RGMA: variants seen among roughly 807,000 people sequenced by gnomAD.
The protein encoded by RGMA is repulsive guidance molecule BMP co-receptor a.
In RGMA, 10 loss-of-function variants were observed where a neutral mutation model predicts 23.2. That is an observed-to-expected ratio of 0.43 (90% CI 0.27 to 0.73). RGMA has a LOEUF of 0.73. RGMA is among the 30% of genes least tolerant of loss of function. RGMA has a pLI of 0.20. For missense variants in RGMA, 547 were observed against 630.5 expected, an observed-to-expected ratio of 0.87 and a Z score of 1.42; for synonymous variants, 308 against 279.3, an observed-to-expected ratio of 1.10 and a Z score of -1.03.
In RGMA at chr15:93,073,869, C is replaced by T. The variant is rs564757584; in HGVS notation, c.15-838G>A. On this transcript the variant is annotated intron_variant, in intron 1 of 3. Transcript: ENST00000329082. ...GGGCCTGCGGGCCTAACCTTGCCAC[C>T]TTGGCACAGCTGCCACTCCAGAGAG... is the stretch of plus-strand genomic sequence containing the variant. 6 of 1,473,540 alleles carry T rather than the reference C, an allele frequency of 4.1e-6. No homozygotes were observed. The African/African-American group carries it at 7.0e-5, about 17-fold the overall frequency. 91.3% of individuals were successfully genotyped at this position (1,473,540 alleles called of 1,614,324 possible).
intron 3 of RGMA, among the ~76,000 whole-genome samples, chr15:93,046,124 A>C (rs2091637): frequency 0.15 from 22,729 of 152,118 alleles, 1,919 homozygotes; most frequent in Middle Eastern, 0.22. Context: ...GGCAAAAGGG[A>C]CCCTGCAGAT....
intron 2 of RGMA, among the ~76,000 whole-genome samples, chr15:93,069,887 C>A (rs964122106): frequency 2.0e-5 from 3 of 152,258 alleles, no homozygotes; most frequent in African/African-American, 7.2e-5. Flanking sequence ...TCTTGGAACT[C>A]TTTTCGAAAA....
At chr15:93,066,391 T>C (rs1596098112) in intron 2 of RGMA, 3 of 645,044 alleles carry the variant, frequency 4.7e-6, no homozygotes, top group Admixed American at 3.8e-5. Flanking sequence ...TGACTCCAGG[T>C]GGGGGAAACG....
In RGMA at chr15:93,054,229, C is replaced by CAAA. The variant is rs34699802; in HGVS notation, c.131-1725_131-1723dup. Among the ~76,000 whole-genome samples the CAAA allele has an allele frequency of 5.4e-4, 60 of 110,902 alleles. 1 individual carries two copies. The highest frequency in any genetic ancestry group is 1.7e-3 in the African/African-American group (47 of 28,160). 72.8% of individuals were successfully genotyped at this position (110,902 alleles called of 152,430 possible). On this transcript the variant is annotated intron_variant, in intron 2 of 3. Transcript: ENST00000329082. ...TGGGAGACAGAGCAAGACTCCATCT[C>CAAA]AAAAAAAAAAAAAAAAAAATTGATG...
At chr15:93,088,856 A>C in intron 1 of RGMA, 63 bp downstream of exon 1, 1 of 1,419,982 alleles carries the variant, frequency 7.0e-7, no homozygotes, top group Non-Finnish European at 9.4e-7. Flanking sequence ...TGGCCCCGGC[A>C]TGTGTCGGCG....
chr15:93,074,087 G>A (rs150066813), intron 1 of RGMA: 28 of 1,145,196 alleles, frequency 2.4e-5, no homozygotes, highest in African/African-American at 3.2e-5. Context: ...TGATATTTAA[G>A]GGACTGGTAA....
chr15:93,059,582 C>T lies in RGMA; in HGVS notation c.131-7075G>A, dbSNP rs747918713. 3.9e-5 allele frequency among the ~76,000 whole-genome samples: 6 copies of T among 152,214 alleles called. No individual in the cohort carries two copies. The East Asian group carries it at 5.8e-4, about 15-fold the overall frequency. ...ATGTGGAAAGGAAGCTCTCTGGGAA[C>T]GATGGGTCCCAGAAATGTGTGTGTG... On this transcript the variant is annotated intron_variant, in intron 2 of 3. Transcript: ENST00000329082.
rs1471553159 is a variant in RGMA, at chr15:93,038,569, G to GTTGTTTTTTTTTTTTTTTTT, written c.*6428_*6429insAAAAAAAAAAAAAAAAACAA. On this transcript the variant is annotated 3_prime_UTR_variant, in exon 4 of 4. Coordinates refer to ENST00000329082, the MANE Select transcript of RGMA (RefSeq NM_020211.3). ...GCCTTAATGAACGAAACTGTTAGTT[G>GTTGTTTTTTTTTTTTTTTTT]TTTTTTTTTTTTTTTTGAGACGGTG... 1 of 100,224 alleles carries GTTGTTTTTTTTTTTTTTTTT rather than the reference G, an allele frequency of 1.0e-5. No individual in the cohort carries two copies. The highest frequency in any genetic ancestry group is 2.3e-5 in the Non-Finnish European group (1 of 42,826). 6.2% of individuals were successfully genotyped at this position (100,224 alleles called of 1,614,324 possible).
chr15:93,062,357 A>G (rs1894994061), intron 2 of RGMA, among the ~76,000 whole-genome samples: 1 of 152,238 alleles, frequency 6.6e-6, no homozygotes. Context: ...TAACAGCAAC[A>G]AAGGTTTAAG....
At chr15:93,047,275 G>A (rs916567608) in intron 3 of RGMA, among the ~76,000 whole-genome samples, 1 of 152,162 alleles carries the variant, frequency 6.6e-6, no homozygotes, top group Admixed American at 6.5e-5. Flanking sequence ...TTCTGGGTTG[G>A]AAACAGAGAA....
At chr15:93,049,291 T>A (rs941665731) in intron 3 of RGMA, among the ~76,000 whole-genome samples, 5 of 152,194 alleles carry the variant, frequency 3.3e-5, no homozygotes, top group Non-Finnish European at 7.3e-5. Flanking sequence ...AGAAGATCCC[T>A]ATGCTTCAGG....
At chr15:93,047,356 T>C (rs2054840438) in intron 3 of RGMA, among the ~76,000 whole-genome samples, 1 of 152,198 alleles carries the variant, frequency 6.6e-6, no homozygotes, top group South Asian at 2.1e-4. Flanking sequence ...ATGGGAGCTC[T>C]GGGTGCCTTG....
intron 1 of RGMA, among the ~76,000 whole-genome samples, chr15:93,087,644 G>A (rs905503205): frequency 1.3e-5 from 2 of 152,140 alleles, no homozygotes; most frequent in Non-Finnish European, 2.9e-5. Context: ...GTGATGCACA[G>A]GAGAAGACAG....
At chr15:93,058,468 C>T (rs965485846) in intron 2 of RGMA, among the ~76,000 whole-genome samples, 1 of 152,232 alleles carries the variant, frequency 6.6e-6, no homozygotes, top group African/African-American at 2.4e-5. Flanking sequence ...CTGTGACAGC[C>T]AGTTTTGTGT....
At chr15:93,058,135 T>A (rs1193894037) in intron 2 of RGMA, among the ~76,000 whole-genome samples, 1 of 152,088 alleles carries the variant, frequency 6.6e-6, no homozygotes. Context: ...AGACCTTAGA[T>A]CCTATATGAG....
chr15:93,039,188 CTGG>C lies in RGMA; in HGVS notation c.*5807_*5809del, dbSNP rs1451556307. On this transcript the variant is annotated 3_prime_UTR_variant, in exon 4 of 4. Transcript: ENST00000329082. ...CAGCTTTTGGACTCTTGGACTTACA[CTGG>C]TGGTTTGCCAGGGGCTCTCGGGCCT... The C allele has an allele frequency of 6.6e-6, 1 of 152,172 alleles. No homozygotes were observed. The highest frequency in any genetic ancestry group is 1.5e-5 in the Non-Finnish European group (1 of 68,034). 9.4% of individuals were successfully genotyped at this position (152,172 alleles called of 1,614,324 possible).
intron 2 of RGMA, among the ~76,000 whole-genome samples, chr15:93,069,280 T>A (rs1379849446): frequency 6.6e-6 from 1 of 152,186 alleles, no homozygotes; most frequent in Non-Finnish European, 1.5e-5. Context: ...CAGCTAATTT[T>A]TGTATTTTCA....
intron 1 of RGMA, among the ~76,000 whole-genome samples, chr15:93,075,305 G>C (rs1879326510): frequency 6.6e-6 from 1 of 151,960 alleles, no homozygotes; most frequent in Admixed American, 6.6e-5. Context: ...GCTATTTTAA[G>C]TATTGTTAAT....
intron 2 of RGMA, chr15:93,066,098 T>C (rs1278373227): frequency 3.4e-6 from 5 of 1,472,464 alleles, no homozygotes; most frequent in Non-Finnish European, 4.7e-6. Flanking sequence ...CGGCGAAACT[T>C]ACGTAGGTTG....
Sources: gnomAD v4.1 joint callset for allele counts (sites outside exome capture counted in the v4.1 genomes callset) on GRCh38, gnomAD v4.1.1 for gene constraint, MANE v1.5 for transcripts, NCBI Gene and HGNC (gene_info 2026-07-23, HGNC 2026-07-21) for gene names.